Variants in WDR31 observed in about 807,000 individuals in gnomAD.
WDR31 encodes the protein WD repeat-containing protein 31.
Under a neutral mutation model 47.3 loss-of-function variants are expected in WDR31, and 30 were observed. The ratio of observed to expected loss-of-function variants is 0.63; its 90% CI spans 0.47 to 0.86. WDR31 has a LOEUF of 0.86. WDR31 is among the 40% of genes least tolerant of loss of function. The pLI is 0.00. For missense variants in WDR31, 406 were observed against 442.9 expected (o/e 0.92, Z 0.75); for synonymous variants, 137 against 159.4 (o/e 0.86, Z 1.06).
intron 5 of WDR31, among the ~76,000 whole-genome samples, chr9:113,327,346 A>G (rs1384855446): frequency 6.6e-6 from 1 of 152,036 alleles, no homozygotes; most frequent in Non-Finnish European, 1.5e-5. Context: ...TAATCTTTTC[A>G]TCTTTGAATG....
At chr9:113,327,217 A>G (rs1049979043) in intron 5 of WDR31, among the ~76,000 whole-genome samples, 3 of 152,156 alleles carry the variant, frequency 2.0e-5, no homozygotes, top group African/African-American at 4.8e-5. Context: ...ATCAAATTTT[A>G]TCTTTGCTTC....
chr9:113,337,858 A>ACTT, intron 1 of WDR31, among the ~76,000 whole-genome samples: 1 of 152,336 alleles, frequency 6.6e-6, no homozygotes, highest in Middle Eastern at 3.4e-3. Flanking sequence ...AATTTGAAAC[A>ACTT]CTTCTGGTCC....
At chr9:113,326,134 T>C (rs12350255) in intron 5 of WDR31, among the ~76,000 whole-genome samples, 4,296 of 152,160 alleles carry the variant, frequency 0.028, 207 homozygotes, top group African/African-American at 0.097. Flanking sequence ...TGGTCTTGAA[T>C]TCCTGACCTC....
chr9:113,333,370 A>ATTTT (rs60772699), intron 2 of WDR31, among the ~76,000 whole-genome samples: 3 of 102,942 alleles, frequency 2.9e-5, no homozygotes, highest in East Asian at 2.6e-4. Context: ...TGGTTGTTGG[A>ATTTT]TTTTTTTTTT....
rs1343591815 is a variant in WDR31, at chr9:113,335,856, TATA to T, written c.-29+429_-29+431del. 7.9e-5 allele frequency among the ~76,000 whole-genome samples: 12 copies of T among 152,218 alleles called. 1 individual carries two copies. Among genetic ancestry groups the T allele is most frequent in the Admixed American group, 7.9e-4 (12 of 15,284 alleles). On this transcript the variant is annotated intron_variant, in intron 2 of 10. Transcript: ENST00000374193. Reference sequence around the variant, plus strand: ...GAAATGATTTTTAGTAGACTATGTGTATAATGAGAGAAGGTCTCTCGTTATTCA... The same window carrying T: ...GAAATGATTTTTAGTAGACTATGTGTATGAGAGAAGGTCTCTCGTTATTCA...
chr9:113,318,084 A>T (rs1010441642), intron 10 of WDR31, among the ~76,000 whole-genome samples: 4 of 152,270 alleles, frequency 2.6e-5, no homozygotes, highest in African/African-American at 9.6e-5. Flanking sequence ...GAATCAAAAC[A>T]GGGCAGAGAC....
At position 113,322,842 on chromosome 9, in the gene WDR31, C is replaced by A; in HGVS notation, c.539G>T (p.Ser180Ile). 1 of 1,614,178 alleles carries A rather than the reference C, an allele frequency of 6.2e-7. No individual in the cohort carries two copies. Reference protein sequence around the residue: ...LLLWDVVTGQSVERASVSRNV... With the variant: ...LLLWDVVTGQIVERASVSRNV... ...CCTGGAGACAGATGCTCTTTCCACA[C>A]TCTGTCCTGTCACCACATCCCACAG... is the stretch of plus-strand genomic sequence containing the variant. The change falls in exon 7 of 11, where the codon AGT (serine) becomes ATT (isoleucine). Residue 180 changes from serine (S) to isoleucine (I), a missense_variant. Transcript: ENST00000374193.
chr9:113,334,017 C>CT (rs928987275), intron 2 of WDR31, among the ~76,000 whole-genome samples: 4 of 149,544 alleles, frequency 2.7e-5, no homozygotes, highest in South Asian at 2.1e-4. Context: ...CTTCTCCTTT[C>CT]TTTTTTTTTG....
At chr9:113,328,752 T>C in intron 5 of WDR31, 129 bp downstream of exon 5, 1 of 764,186 alleles carries the variant, frequency 1.3e-6, no homozygotes, top group East Asian at 2.7e-5. Context: ...GAAGTAGGAT[T>C]TCACAGCATC....
chr9:113,333,976 T>A (rs943101435), intron 2 of WDR31, among the ~76,000 whole-genome samples: 1 of 151,124 alleles, frequency 6.6e-6, no homozygotes, highest in African/African-American at 2.4e-5. Context: ...TTCTCCTCCT[T>A]CTCCTTCTTC....
chr9:113,331,471 CAG>C (rs1331425827), intron 3 of WDR31, among the ~76,000 whole-genome samples: 2 of 152,126 alleles, frequency 1.3e-5, no homozygotes, highest in Non-Finnish European at 2.9e-5. Flanking sequence ...TCTTTTGAGA[CAG>C]AGTCTCACTC....
chr9:113,318,408 A>C, intron 10 of WDR31, 67 bp downstream of exon 10: 1 of 1,584,800 alleles, frequency 6.3e-7, no homozygotes, highest in Non-Finnish European at 8.6e-7. Context: ...AATGGGAAGA[A>C]GGAGTTTTAA....
At position 113,314,598 on chromosome 9, in the gene WDR31, C is replaced by T. The variant is rs372553012; in HGVS notation, c.*2151G>A. On this transcript the variant is annotated 3_prime_UTR_variant, in exon 11 of 11. Coordinates refer to ENST00000374193, the MANE Select transcript of WDR31 (RefSeq NM_001012361.4). ...TAATTATGGCTACCATTTGTCACCA[C>T]CTTTCCTGGCATTTACTTATTTATT... The T allele has an allele frequency of 6.6e-6, 1 of 151,960 alleles. No homozygotes were observed. Among genetic ancestry groups the T allele is most frequent in the Non-Finnish European group, 1.5e-5 (1 of 68,032 alleles). The allele number at this position is 151,960 out of a possible 1,614,324, so 9.4% of individuals were successfully genotyped here.
At chr9:113,329,049 C>T (rs1255478585) in intron 4 of WDR31, 94 bp from the exon 5 acceptor site, 3 of 1,149,632 alleles carry the variant, frequency 2.6e-6, no homozygotes, top group Non-Finnish European at 3.9e-6. Flanking sequence ...TCCCTCCTCA[C>T]TCACTCCCTC....
In WDR31 at chr9:113,314,993, T is replaced by C. The variant is rs2118752504; in HGVS notation, c.*1756A>G. 1 of 152,306 alleles carries C rather than the reference T, an allele frequency of 6.6e-6. No individual in the cohort carries two copies. Among genetic ancestry groups the C allele is most frequent in the East Asian group, 1.9e-4 (1 of 5,180 alleles). 9.4% of individuals were successfully genotyped at this position (152,306 alleles called of 1,614,324 possible). A position where few individuals can be genotyped will look rare whatever the true frequency, so the allele number is the denominator to read the frequency against. ...AGGTATGATCATGAAACCCACGTTA[T>C]AAAGTGAAGAGGAAACAGATTTTAT... On this transcript the variant is annotated 3_prime_UTR_variant, in exon 11 of 11. Coordinates refer to ENST00000374193, the MANE Select transcript of WDR31 (RefSeq NM_001012361.4).
In WDR31 at chr9:113,319,796, T is replaced by C. The variant is rs770356190; in HGVS notation, c.780+561A>G. On this transcript the variant is annotated intron_variant, in intron 9 of 10. Transcript: ENST00000374193. Reference sequence around the variant, plus strand: ...ACGCCTATAATGGGAATAAATCTGGTTCTTCAAACAGTCCCTCCCCTCTCT... The same window carrying C: ...ACGCCTATAATGGGAATAAATCTGGCTCTTCAAACAGTCCCTCCCCTCTCT... 3.7e-4 allele frequency among the ~76,000 whole-genome samples: 56 copies of C among 152,248 alleles called. 1 individual carries two copies. The highest frequency in any genetic ancestry group is 4.9e-4 in the Non-Finnish European group (33 of 68,014).
chr9:113,322,555 A>G (rs1210337795), intron 7 of WDR31, among the ~76,000 whole-genome samples: 2 of 152,218 alleles, frequency 1.3e-5, no homozygotes, highest in Non-Finnish European at 2.9e-5. Flanking sequence ...AAGAAACAGA[A>G]TAATGAAAGA....
At chr9:113,333,998 T>C (rs1411749825) in intron 2 of WDR31, among the ~76,000 whole-genome samples, 2 of 151,894 alleles carry the variant, frequency 1.3e-5, no homozygotes, top group Non-Finnish European at 2.9e-5. Flanking sequence ...TTCTTTCTTT[T>C]TCCTTCTCCT....
chr9:113,315,828 G>C lies in WDR31; in HGVS notation c.*921C>G, dbSNP rs926426669. Reference sequence around the variant, plus strand: ...ACTACAGGCACGCACGTACAGGCTGGTCTTGAACTCCTGACCTAAAGTGAT... The same window carrying C: ...ACTACAGGCACGCACGTACAGGCTGCTCTTGAACTCCTGACCTAAAGTGAT... On this transcript the variant is annotated 3_prime_UTR_variant, in exon 11 of 11. Transcript: ENST00000374193. 3 of 152,186 alleles carry C rather than the reference G, an allele frequency of 2.0e-5. No individual in the cohort carries two copies. The highest frequency in any genetic ancestry group is 2.0e-4 in the Admixed American group (3 of 15,274). The allele number at this position is 152,186 out of a possible 1,614,324, so 9.4% of individuals were successfully genotyped here. A position where few individuals can be genotyped will look rare whatever the true frequency, so the allele number is the denominator to read the frequency against.
Sources: allele counts gnomAD v4.1 joint callset (sites outside exome capture counted in the v4.1 genomes callset), GRCh38; gene constraint gnomAD v4.1.1; transcripts MANE v1.5; gene names NCBI Gene and HGNC (gene_info 2026-07-23, HGNC 2026-07-21).